The following TAS1R2 variants were observed in gnomAD, a reference collection of about 807,000 sequenced individuals.
The protein encoded by TAS1R2 is taste 1 receptor member 2, also known as taste receptor type 1 member 2.
A neutral mutation model predicts 49.3 loss-of-function variants in TAS1R2; 47 were observed. The ratio of observed to expected loss-of-function variants is 0.95; its 90% CI spans 0.75 to 1.22. TAS1R2 has a LOEUF of 1.22. Ranked by LOEUF, TAS1R2 falls within the 50% of genes most tolerant of loss-of-function variation. The probability of loss-of-function intolerance (pLI) is 0.00; values close to 1 mark genes in which losing one functional copy is unlikely to be tolerated. For missense variants in TAS1R2, 1,155 were observed against 1,122.1 expected (o/e 1.03, Z -0.42); for synonymous variants, 479 against 467.9 (o/e 1.02, Z -0.31).
At position 18,854,657 on chromosome 1, in the gene TAS1R2, G is replaced by A. The variant is rs147714993; in HGVS notation, c.813C>T (p.Val271=). ...TCAGGTCGGGCGAGAACACGACCAC[G>A]ACGCGCGCTGTGCTCTGCTGCAGCT... The change falls in exon 3 of 6, where the codon GTC becomes GTT. Residue 271 remains valine (V), a synonymous_variant. Transcript: ENST00000375371. This position sits in a 1 kb window ranked among gnomAD's most constrained non-coding sequence, Gnocchi z 4.9. 3.0e-4 allele frequency: 491 copies of A among 1,614,006 alleles called. No homozygotes were observed. Among genetic ancestry groups the A allele is most frequent in the Middle Eastern group, 1.5e-3 (9 of 6,062 alleles).
Position 18,854,821 on chromosome 1 carries a change from G to T in TAS1R2, c.649C>A (p.Arg217Ser), listed in dbSNP as rs779157147. The change falls in exon 3 of 6, where the codon CGC (arginine) becomes AGC (serine). Residue 217 changes from arginine to serine, a missense_variant. Physicochemically the swap from Arg to Ser is moderately radical, Grantham distance 110. Coordinates refer to ENST00000375371, the Ensembl canonical transcript of TAS1R2. The surrounding 1 kb of genome is among the most constrained non-coding windows in gnomAD (Gnocchi z 4.9). Reference sequence around the variant, plus strand: ...TCGCCAAGCAGCTGGCCATTGTCGCGGCCATAGGTGTCGCTGCTCACCAGC... The same window carrying T: ...TCGCCAAGCAGCTGGCCATTGTCGCTGCCATAGGTGTCGCTGCTCACCAGC... 2 of 1,607,344 alleles carry T rather than the reference G, an allele frequency of 1.2e-6. No individual in the cohort carries two copies. Among genetic ancestry groups the T allele is most frequent in the South Asian group, 1.1e-5 (1 of 90,832 alleles).
intron 2 of TAS1R2, among the ~76,000 whole-genome samples, chr1:18,856,331 C>T (rs918488733): frequency 2.6e-5 from 4 of 152,196 alleles, no homozygotes; most frequent in African/African-American, 4.8e-5. Context: ...CTCAAGTCTT[C>T]GCCCAATTGT....
chr1:18,852,205 A>G (rs1934041582), intron 3 of TAS1R2, among the ~76,000 whole-genome samples: 1 of 150,166 alleles, frequency 6.7e-6, no homozygotes, highest in South Asian at 2.1e-4. Flanking sequence ...GATACCTGTT[A>G]TGACAAAAAT....
intron 4 of TAS1R2, among the ~76,000 whole-genome samples, chr1:18,844,161 T>C (rs1266618474): frequency 1.3e-5 from 2 of 152,134 alleles, no homozygotes; most frequent in Admixed American, 1.3e-4. Flanking sequence ...AGGACAGTAA[T>C]GATGGGAGAT....
intron 5 of TAS1R2, 115 bp from the exon 6 acceptor site, chr1:18,840,642 C>G (rs768255614): frequency 1.9e-6 from 2 of 1,049,832 alleles, no homozygotes; most frequent in Non-Finnish European, 2.8e-6. Flanking sequence ...AAGGGCAACC[C>G]TTGCATTCAC....
intron 3 of TAS1R2, among the ~76,000 whole-genome samples, chr1:18,852,278 AT>A (rs1276744562): frequency 6.6e-6 from 1 of 152,138 alleles, no homozygotes; most frequent in Non-Finnish European, 1.5e-5. Flanking sequence ...ACCACATACC[AT>A]TTTGCAGGTT....
chr1:18,857,057 A>T (rs1934149055), intron 2 of TAS1R2, among the ~76,000 whole-genome samples: 1 of 152,228 alleles, frequency 6.6e-6, no homozygotes, highest in Non-Finnish European at 1.5e-5. Context: ...CAGGTGAGGA[A>T]ACTGAGGCTA....
chr1:18,852,287 G>A (rs182433356), intron 3 of TAS1R2, among the ~76,000 whole-genome samples: 173 of 152,316 alleles, frequency 1.1e-3, no homozygotes, highest in African/African-American at 3.9e-3. Context: ...CATTTTGCAG[G>A]TTGAGCCCTT....
chr1:18,849,493 CGAA>C (rs1201348287), exon 4 of TAS1R2: 3 of 1,614,182 alleles, frequency 1.9e-6, no homozygotes, highest in African/African-American at 1.3e-5. Flanking sequence ...CCTTGCGGGT[CGAA>C]GAAGATTTGG....
chr1:18,855,039 C>G, intron 2 of TAS1R2, 53 bp from the exon 3 acceptor site: 1 of 1,568,264 alleles, frequency 6.4e-7, no homozygotes, highest in South Asian at 1.2e-5. Context: ...GTGCTCTGCC[C>G]CCACCCCAGG....
chr1:18,855,036 G>GC, intron 2 of TAS1R2, 50 bp from the exon 3 acceptor site: 1 of 1,570,578 alleles, frequency 6.4e-7, no homozygotes, highest in South Asian at 1.2e-5. Context: ...TGGGTGCTCT[G>GC]CCCCCACCCC....
chr1:18,857,275 A>G, intron 2 of TAS1R2, 56 bp downstream of exon 2: 5 of 1,562,610 alleles, frequency 3.2e-6, no homozygotes, highest in Non-Finnish European at 4.3e-6. Flanking sequence ...AGGCCTCTAG[A>G]CAGCCATTCC....
Position 18,857,381 on chromosome 1 carries a change from C to T in TAS1R2, c.433G>A (p.Glu145Lys), listed in dbSNP as rs192617381. The stretch of plus-strand genomic sequence containing the variant: ...AAGTTGGCCACAGTCATGACAGACT[C>T]GGAGTTGTCAGGGCCAATGACAGCC... The change falls in exon 2 of 6, where the codon GAG (glutamate) becomes AAG (lysine). Residue 145 changes from glutamate (E) to lysine (K), a missense_variant. Coordinates refer to ENST00000375371, the Ensembl canonical transcript of TAS1R2. 140 of 1,614,192 alleles carry T rather than the reference C, an allele frequency of 8.7e-5. No individual in the cohort carries two copies. Among genetic ancestry groups the T allele is most frequent in the Non-Finnish European group, 1.1e-4 (129 of 1,180,028 alleles).
intron 4 of TAS1R2, among the ~76,000 whole-genome samples, chr1:18,846,842 G>C (rs148651660): frequency 6.6e-6 from 1 of 152,240 alleles, no homozygotes; most frequent in African/African-American, 2.4e-5. Flanking sequence ...GTGAGTCCTG[G>C]TGGGAGGTGA....
chr1:18,847,523 T>TG (rs1455540048), intron 4 of TAS1R2, among the ~76,000 whole-genome samples: 2 of 147,786 alleles, frequency 1.4e-5, no homozygotes, highest in African/African-American at 2.5e-5. Context: ...TGTCGGGGAC[T>TG]GGGGGGAAGA....
intron 4 of TAS1R2, among the ~76,000 whole-genome samples, chr1:18,845,660 G>A (rs1401728774): frequency 6.6e-6 from 1 of 152,184 alleles, no homozygotes; most frequent in Admixed American, 6.5e-5. Flanking sequence ...TTCGTGGGTG[G>A]AGCTGAGGTG....
In TAS1R2 at chr1:18,854,522, C is replaced by G. The variant is rs1255625757; in HGVS notation, c.948G>C (p.Leu316=). Residue 316 remains leucine (L), a synonymous_variant, in exon 3 of 6, where the codon CTG becomes CTC. Coordinates refer to ENST00000375371, the Ensembl canonical transcript of TAS1R2. This position sits in a 1 kb window ranked among gnomAD's most constrained non-coding sequence, Gnocchi z 4.9. Reference sequence around the variant, plus strand: ...TGCCCAGGAAGGTGCCCAAGTGGCGCAGCTCCGTGAGGTTGTGCAGGACCG... The same window carrying G: ...TGCCCAGGAAGGTGCCCAAGTGGCGGAGCTCCGTGAGGTTGTGCAGGACCG... 1.9e-6 allele frequency: 3 copies of G among 1,613,722 alleles called. No homozygotes were observed. In the Admixed American group the frequency reaches 5.0e-5, roughly 27 times the overall value.
intron 1 of TAS1R2, among the ~76,000 whole-genome samples, chr1:18,858,093 A>G (rs1479364400): frequency 2.0e-5 from 3 of 151,844 alleles, no homozygotes; most frequent in East Asian, 3.9e-4. Flanking sequence ...TATCACAGCC[A>G]TCATCACCAC....
chr1:18,845,695 G>A lies in TAS1R2; in HGVS notation c.1467+3646C>T, dbSNP rs78120166. ...GGTTGCTACACAAGTGGAGTAGGAA[G>A]GAGTAGGTCTGGCACCCAAGGACTC... On this transcript the variant is annotated intron_variant, in intron 4 of 5. Coordinates refer to ENST00000375371, the Ensembl canonical transcript of TAS1R2. Among the ~76,000 whole-genome samples, 1,303 of 152,320 alleles carry A rather than the reference G, an allele frequency of 8.6e-3. 14 individuals are homozygous for A. The highest frequency in any genetic ancestry group is 0.03 in the South Asian group (145 of 4,826).
Sources: allele counts gnomAD v4.1 joint callset (sites outside exome capture counted in the v4.1 genomes callset), GRCh38; gene constraint gnomAD v4.1.1; non-coding constraint Gnocchi (gnomAD v3.1); transcripts MANE v1.5; gene names NCBI Gene and HGNC (gene_info 2026-07-23, HGNC 2026-07-21).